TXK: variants seen among roughly 807,000 people sequenced by gnomAD.
The protein encoded by TXK is tyrosine-protein kinase TXK.
TXK carries 60 observed loss-of-function variants against 81.0 expected under a neutral mutation model. The observed-to-expected ratio is 0.74, with a 90% CI of 0.60 to 0.92. The LOEUF (loss-of-function observed/expected upper bound fraction) is 0.92, where lower values mean the gene tolerates loss of function less well. TXK is among the 40% of genes least tolerant of loss of function. The pLI is 0.00. For synonymous variants in TXK, 203 were observed against 210.7 expected, an observed-to-expected ratio of 0.96 and a Z score of 0.32; for missense variants, 581 against 638.3, an observed-to-expected ratio of 0.91 and a Z score of 0.97.
chr4:48,113,344 A>T, intron 2 of TXK, 35 bp from the exon 3 acceptor site: 1 of 1,539,516 alleles, frequency 6.5e-7, no homozygotes, highest in African/African-American at 1.4e-5. Flanking sequence ...ACAAATAATT[A>T]TTTGTACAAA....
chr4:48,076,050 G>A (rs967249016), intron 12 of TXK, among the ~76,000 whole-genome samples: 3 of 152,144 alleles, frequency 2.0e-5, no homozygotes, highest in African/African-American at 7.2e-5. Flanking sequence ...AGAAAAATCA[G>A]AGCTGAGCAA....
At chr4:48,094,352 C>A (rs1404240423) in intron 7 of TXK, 148 bp from the exon 8 acceptor site, 6 of 864,074 alleles carry the variant, frequency 6.9e-6, no homozygotes, top group African/African-American at 3.4e-5. Context: ...CAAGTGCCCC[C>A]CCATGCCAAG....
At chr4:48,070,077 T>G (rs894021613) in intron 14 of TXK, among the ~76,000 whole-genome samples, 7 of 152,254 alleles carry the variant, frequency 4.6e-5, no homozygotes, top group Non-Finnish European at 1.0e-4. Context: ...TCTTAAAATA[T>G]TCAATATTCT....
chr4:48,124,380 C>T (rs1305729403), intron 1 of TXK, among the ~76,000 whole-genome samples: 1 of 152,112 alleles, frequency 6.6e-6, no homozygotes, highest in Non-Finnish European at 1.5e-5. Flanking sequence ...GACACTGGAC[C>T]AGATTGTAAG....
At position 48,095,226 on chromosome 4, in the gene TXK, CA is replaced by C. The variant is rs775908620; in HGVS notation, c.502-5del. The C allele has an allele frequency of 1.4e-5, 22 of 1,597,682 alleles. No individual in the cohort carries two copies. Among genetic ancestry groups the C allele is most frequent in the African/African-American group, 1.4e-5 (1 of 73,748 alleles). Reference sequence around the variant, plus strand: ...CAATAAATGCACCTTCTTTAGACTGCAAAAAAAATCATTTATTGAATAAGTC... The same window carrying C: ...CAATAAATGCACCTTCTTTAGACTGCAAAAAAATCATTTATTGAATAAGTC... On this transcript the variant is annotated splice_region_variant and splice_polypyrimidine_tract_variant and intron_variant, in intron 6 of 14. Coordinates refer to ENST00000264316, the MANE Select transcript of TXK (RefSeq NM_003328.3).
At chr4:48,132,804 G>A (rs1444609469) in intron 1 of TXK, among the ~76,000 whole-genome samples, 2 of 152,060 alleles carry the variant, frequency 1.3e-5, no homozygotes, top group African/African-American at 2.4e-5. Flanking sequence ...AAACTAGCCA[G>A]GCATGGTGGC....
chr4:48,081,868 C>T (rs7679010), intron 10 of TXK, among the ~76,000 whole-genome samples: 47,281 of 152,082 alleles, frequency 0.31, 8,783 homozygotes, highest in Non-Finnish European at 0.41. Context: ...TGCCATCCTT[C>T]GCCTGATATA....
At chr4:48,076,309 G>C in intron 12 of TXK, 93 bp downstream of exon 12, 1 of 955,850 alleles carries the variant, frequency 1.0e-6, no homozygotes, top group Admixed American at 2.8e-5. Context: ...AACACAGCCT[G>C]CAGCATCTTC....
At chr4:48,130,233 C>T (rs1719216504) in intron 1 of TXK, among the ~76,000 whole-genome samples, 1 of 152,168 alleles carries the variant, frequency 6.6e-6, no homozygotes, top group African/African-American at 2.4e-5. Flanking sequence ...ACTTAGTTAT[C>T]TATTGTTGGA....
At chr4:48,104,862 T>C in intron 6 of TXK, 39 bp downstream of exon 6, 1 of 1,521,274 alleles carries the variant, frequency 6.6e-7, no homozygotes. Context: ...TAAGTACTTC[T>C]CAGAGATTTT....
At chr4:48,080,511 A>C (rs1717257486) in intron 10 of TXK, among the ~76,000 whole-genome samples, 1 of 152,152 alleles carries the variant, frequency 6.6e-6, no homozygotes, top group South Asian at 2.1e-4. Context: ...CAGATGAAAA[A>C]TTCTGGACAG....
chr4:48,076,575 A>G (rs987993002), intron 11 of TXK, 109 bp from the exon 12 acceptor site: 88 of 849,380 alleles, frequency 1.0e-4, no homozygotes, highest in Non-Finnish European at 1.5e-4. Flanking sequence ...CTCTGTGTGT[A>G]CCGCCAAGTC....
intron 5 of TXK, chr4:48,109,480 T>A (rs1406526393): frequency 6.6e-6 from 1 of 152,104 alleles, no homozygotes; most frequent in African/African-American, 2.4e-5. Context: ...GAGATTAGAA[T>A]CTCGGGAAGG....
chr4:48,070,420 C>T (rs1377890266), intron 14 of TXK, among the ~76,000 whole-genome samples: 2 of 152,184 alleles, frequency 1.3e-5, no homozygotes, highest in African/African-American at 4.8e-5. Flanking sequence ...TGCCAGAAGA[C>T]AGATGAAACC....
chr4:48,110,682 T>C, intron 4 of TXK, 79 bp from the exon 5 acceptor site: 3 of 1,050,516 alleles, frequency 2.9e-6, no homozygotes, highest in Non-Finnish European at 4.4e-6. Flanking sequence ...TTTTAAAACC[T>C]CAAGGATGTA....
chr4:48,126,331 T>C (rs1391165786), intron 1 of TXK, among the ~76,000 whole-genome samples: 1 of 152,220 alleles, frequency 6.6e-6, no homozygotes, highest in African/African-American at 2.4e-5. Flanking sequence ...ATTTCTTTTC[T>C]CTAGCTTACT....
At chr4:48,133,973 G>A (rs1560366316) in intron 1 of TXK, among the ~76,000 whole-genome samples, 182 bp downstream of exon 1, 1 of 152,018 alleles carries the variant, frequency 6.6e-6, no homozygotes, top group Non-Finnish European at 1.5e-5. Flanking sequence ...ACCTTTATTA[G>A]AATTACATCA....
intron 5 of TXK, chr4:48,109,318 T>G (rs889521845): frequency 6.6e-6 from 1 of 152,122 alleles, no homozygotes. Flanking sequence ...TGAACCACCA[T>G]GCCTGGCCTC....
chr4:48,073,642 C>T (rs888849105), intron 13 of TXK, among the ~76,000 whole-genome samples: 20 of 152,156 alleles, frequency 1.3e-4, no homozygotes, highest in East Asian at 5.8e-4. Flanking sequence ...CAAGCCTCTG[C>T]GGAGTGGAAA....
Sources: allele counts gnomAD v4.1 joint callset (sites outside exome capture counted in the v4.1 genomes callset), GRCh38; gene constraint gnomAD v4.1.1; transcripts MANE v1.5; gene names NCBI Gene and HGNC (gene_info 2026-07-23, HGNC 2026-07-21).